Variants in MED13L observed in about 807,000 individuals in gnomAD.
The protein encoded by MED13L is mediator complex subunit 13L, also known as mediator of RNA polymerase II transcription subunit 13-like.
In MED13L, 7 loss-of-function variants were observed where a neutral mutation model predicts 220.9. The observed-to-expected ratio is 0.03, with a 90% CI of 0.02 to 0.06. MED13L has a LOEUF of 0.06. Ranked by LOEUF, MED13L falls within the 10% of genes least tolerant of loss-of-function variation. The probability of loss-of-function intolerance (pLI) is 1.00; values close to 1 mark genes in which losing one functional copy is unlikely to be tolerated. For synonymous variants in MED13L, 1,011 were observed against 1,015.2 expected (o/e 1.00, Z 0.08); for missense variants, 1,965 against 2,760.5 (o/e 0.71, Z 6.46).
At chr12:116,165,564 C>A (rs1168623933) in intron 2 of MED13L, among the ~76,000 whole-genome samples, 1 of 151,762 alleles carries the variant, frequency 6.6e-6, no homozygotes, top group East Asian at 1.9e-4. Flanking sequence ...CTCCTTACCT[C>A]GTGATCCCCC....
intron 4 of MED13L, among the ~76,000 whole-genome samples, chr12:116,081,180 C>A (rs1871219020): frequency 6.6e-6 from 1 of 152,206 alleles, no homozygotes; most frequent in Admixed American, 6.5e-5. Context: ...GCAATCTTAT[C>A]CTTATATTCT....
intron 2 of MED13L, among the ~76,000 whole-genome samples, chr12:116,217,729 G>A (rs1883087561): frequency 1.3e-5 from 2 of 152,136 alleles, no homozygotes. Context: ...AGAACTGAGT[G>A]ACACAGTTCA....
chr12:116,148,724 G>C (rs1344592369), intron 2 of MED13L: 1 of 165,754 alleles, frequency 6.0e-6, no homozygotes, highest in Non-Finnish European at 1.5e-5. Flanking sequence ...AGAAATTATT[G>C]GAATTTAGGT....
intron 14 of MED13L, among the ~76,000 whole-genome samples, chr12:116,002,372 G>A (rs1405557540): frequency 6.6e-6 from 1 of 152,178 alleles, no homozygotes; most frequent in African/African-American, 2.4e-5. Context: ...AAGTTAATGA[G>A]AAGGTGTTAA....
chr12:116,180,695 T>C (rs1880456647), intron 2 of MED13L, among the ~76,000 whole-genome samples: 1 of 152,166 alleles, frequency 6.6e-6, no homozygotes, highest in South Asian at 2.1e-4. Flanking sequence ...AAAGACACAG[T>C]GCCTGCAATT....
chr12:116,142,444 C>A (rs993193231), intron 2 of MED13L, among the ~76,000 whole-genome samples: 5 of 152,090 alleles, frequency 3.3e-5, no homozygotes, highest in African/African-American at 7.2e-5. Context: ...TCCTAGCATT[C>A]TGGGAGGCCG....
At chr12:116,023,889 A>G (rs1463450654) in intron 4 of MED13L, among the ~76,000 whole-genome samples, 1 of 152,242 alleles carries the variant, frequency 6.6e-6, no homozygotes, top group African/African-American at 2.4e-5. Context: ...ATAAAATAAT[A>G]TAAACAGTAA....
intron 2 of MED13L, among the ~76,000 whole-genome samples, chr12:116,132,863 T>C (rs1593081767): frequency 6.6e-6 from 1 of 151,300 alleles, no homozygotes; most frequent in South Asian, 2.1e-4. Context: ...GAGGCTGCAG[T>C]GAGCCGACAC....
intron 1 of MED13L, among the ~76,000 whole-genome samples, chr12:116,262,713 T>G (rs1872594577): frequency 6.6e-6 from 1 of 152,192 alleles, no homozygotes; most frequent in Non-Finnish European, 1.5e-5. Flanking sequence ...TAAAGTCAGC[T>G]TATTAGCTTA....
At chr12:116,183,373 T>C (rs1880655950) in intron 2 of MED13L, among the ~76,000 whole-genome samples, 1 of 152,232 alleles carries the variant, frequency 6.6e-6, no homozygotes, top group African/African-American at 2.4e-5. Flanking sequence ...ACTCATCAGC[T>C]ACACTTGAAA....
intron 3 of MED13L, among the ~76,000 whole-genome samples, chr12:116,111,223 G>A (rs1353248048): frequency 1.3e-5 from 2 of 152,142 alleles, no homozygotes; most frequent in African/African-American, 4.8e-5. Flanking sequence ...GAAGGGCAGG[G>A]AATATGGGAG....
chr12:116,124,933 T>C (rs887669500), intron 2 of MED13L, among the ~76,000 whole-genome samples: 4 of 152,192 alleles, frequency 2.6e-5, no homozygotes, highest in Non-Finnish European at 4.4e-5. Flanking sequence ...AATTGAAAGA[T>C]CATAGTTAAA....
intron 2 of MED13L, among the ~76,000 whole-genome samples, chr12:116,185,704 T>G (rs1443106264): frequency 8.9e-6 from 1 of 112,174 alleles, no homozygotes; most frequent in East Asian, 2.9e-4. Context: ...TTTTCTTTTC[T>G]TTTCTTTTCG....
At chr12:116,063,709 C>G (rs1869695037) in intron 4 of MED13L, among the ~76,000 whole-genome samples, 1 of 152,130 alleles carries the variant, frequency 6.6e-6, no homozygotes, top group Non-Finnish European at 1.5e-5. Context: ...AGGAAAAAAA[C>G]TGTTTATCAA....
intron 2 of MED13L, among the ~76,000 whole-genome samples, chr12:116,119,821 A>T (rs868348164): frequency 0.083 from 8,417 of 101,830 alleles, 390 homozygotes; most frequent in Middle Eastern, 0.12. Flanking sequence ...AAAAAAAAAA[A>T]AAAAAAAAAA....
chr12:116,057,945 T>C (rs958415606), intron 4 of MED13L, among the ~76,000 whole-genome samples: 5 of 152,144 alleles, frequency 3.3e-5, no homozygotes, highest in African/African-American at 1.2e-4. Context: ...AAATACATTA[T>C]TTCATTTAAA....
Position 115,961,030 on chromosome 12 carries a change from T to G in MED13L, c.*236A>C. 1 of 565,846 alleles carries G rather than the reference T, an allele frequency of 1.8e-6. No individual in the cohort carries two copies. The highest frequency in any genetic ancestry group is 2.6e-5 in the Admixed American group (1 of 39,062). 35.1% of individuals were successfully genotyped at this position (565,846 alleles called of 1,614,324 possible). On this transcript the variant is annotated 3_prime_UTR_variant, in exon 31 of 31. Coordinates refer to ENST00000281928, the MANE Select transcript of MED13L (RefSeq NM_015335.5). ...GTTGGGGCTACACACACCACCGCAC[T>G]GGCTGAAAGTCACCACTTATGGAAG... is the stretch of plus-strand genomic sequence containing the variant.
chr12:116,028,411 T>C (rs1465231625), intron 4 of MED13L, among the ~76,000 whole-genome samples: 3 of 152,158 alleles, frequency 2.0e-5, no homozygotes, highest in African/African-American at 7.2e-5. Context: ...TTTTAAGACT[T>C]TGGAGATTAT....
chr12:116,008,424 G>A lies in MED13L; in HGVS notation c.1989C>T (p.Asn663=), dbSNP rs529830701. The change falls in exon 10 of 31, where the codon AAC becomes AAT. Residue 663 remains asparagine (N), a synonymous_variant. Transcript: ENST00000281928. The part of the protein sequence containing the change: ...GERCDAKMEV[N]SESTALQRLL... ...ACCTTTGCAATGCAGTGCTCTCTGA[G>A]TTTACCTCCATTTTGGCATCACATC... 6.5e-5 allele frequency: 105 copies of A among 1,611,682 alleles called. 3 individuals carry two copies. In the East Asian group the frequency reaches 8.3e-4, roughly 13 times the overall value.
Sources: allele counts gnomAD v4.1 joint callset (sites outside exome capture counted in the v4.1 genomes callset), GRCh38; gene constraint gnomAD v4.1.1; transcripts MANE v1.5; gene names NCBI Gene and HGNC (gene_info 2026-07-23, HGNC 2026-07-21).